Variants in TJP1 observed in about 807,000 individuals in gnomAD.
TJP1 encodes tight junction protein 1.
Under a neutral mutation model 194.2 loss-of-function variants are expected in TJP1, and 43 were observed. The ratio of observed to expected loss-of-function variants is 0.22; its 90% CI spans 0.17 to 0.29. The LOEUF (loss-of-function observed/expected upper bound fraction) is 0.29. TJP1 is among the 10% of genes least tolerant of loss of function. The pLI is 1.00. For synonymous variants in TJP1, 801 were observed against 779.0 expected, an observed-to-expected ratio of 1.03 and a Z score of -0.47; for missense variants, 1,971 against 2,185.7, an observed-to-expected ratio of 0.90 and a Z score of 1.96.
At chr15:29,927,895 T>C (rs1327315587) in intron 2 of TJP1, among the ~76,000 whole-genome samples, 1 of 152,138 alleles carries the variant, frequency 6.6e-6, no homozygotes, top group Non-Finnish European at 1.5e-5. Flanking sequence ...CAGGCCCTCA[T>C]AGGCACTGCA....
intron 1 of TJP1, among the ~76,000 whole-genome samples, chr15:29,814,377 G>A (rs183747631): frequency 5.3e-5 from 8 of 152,166 alleles, no homozygotes; most frequent in African/African-American, 1.9e-4. Context: ...TTCTAGGATC[G>A]GGATCCCAAA....
rs187511925 is a variant in TJP1, at chr15:29,704,127, C to G, written c.5212+35G>C. ...CCAGGTATTAATCAACGACAGTCCC[C>G]AAAGCTCCCAAAGGACAGAGTGAAG... On this transcript the variant is annotated intron_variant, in intron 27 of 27. Coordinates refer to ENST00000614355, the MANE Select transcript of TJP1 (RefSeq NM_001330239.4). The G allele has an allele frequency of 2.9e-5, 45 of 1,542,400 alleles. No individual in the cohort carries two copies. In the East Asian group the frequency reaches 1.1e-3, roughly 36 times the overall value.
rs1253686413 is a variant in TJP1 at position 29,718,373 on chromosome 15, G to C, written c.3769C>G (p.Pro1257Ala). 6.2e-7 allele frequency: 1 copy of C among 1,614,110 alleles called. No individual in the cohort carries two copies. Among genetic ancestry groups the C allele is most frequent in the Non-Finnish European group, 8.5e-7 (1 of 1,180,024 alleles). Residue 1257 changes from proline (P) to alanine (A), a missense_variant, in exon 21 of 28, where the codon CCA (proline) becomes GCA (alanine). Physicochemically the swap from Pro to Ala is conservative, Grantham distance 27. Around this residue, in one of 5 missense-constraint regions of TJP1, gnomAD observed 1,108 missense variants for 1,128.5 expected, o/e 0.98. Coordinates refer to ENST00000614355, the MANE Select transcript of TJP1 (RefSeq NM_001330239.4). ...PPTQTEEEED[P>A]AMKPQSVLTR... ...AGTACAGACTGTGGCTTCATTGCTG[G>C]ATCTTCCTCTTCTTCGGTTTGAGTT...
intron 18 of TJP1, among the ~76,000 whole-genome samples, chr15:29,725,647 C>A (rs2043196958): frequency 2.0e-5 from 3 of 151,744 alleles, no homozygotes; most frequent in African/African-American, 7.3e-5. Context: ...AATAAACAGA[C>A]CTTCCCATCA....
chr15:29,942,872 A>C (rs185293578), intron 2 of TJP1, among the ~76,000 whole-genome samples: 162 of 152,296 alleles, frequency 1.1e-3, no homozygotes, highest in African/African-American at 3.7e-3. Context: ...ACCAACTCCC[A>C]AGTCATTTTT....
chr15:29,813,332 T>G (rs2049664009), intron 1 of TJP1, among the ~76,000 whole-genome samples: 1 of 152,198 alleles, frequency 6.6e-6, no homozygotes, highest in Non-Finnish European at 1.5e-5. Flanking sequence ...CTCCAATGAC[T>G]GCCTCATAAT....
chr15:29,850,612 G>A (rs2051604519), intron 2 of TJP1, among the ~76,000 whole-genome samples: 1 of 152,054 alleles, frequency 6.6e-6, no homozygotes, highest in African/African-American at 2.4e-5. Flanking sequence ...TGGGATTACA[G>A]GCATGAGCCA....
At chr15:29,824,876 ATT>A (rs1429064036), upstream of TJP1, among the ~76,000 whole-genome samples, 5 of 152,228 alleles carry the variant, frequency 3.3e-5, no homozygotes, top group South Asian at 2.1e-4. Flanking sequence ...ATAGTTATAT[ATT>A]TAACAGTTTT....
intron 8 of TJP1, among the ~76,000 whole-genome samples, chr15:29,746,466 A>G (rs997005433): frequency 4.6e-5 from 7 of 152,186 alleles, no homozygotes; most frequent in Admixed American, 3.3e-4. Flanking sequence ...GATACCATAT[A>G]GCTATTTAAA....
intron 6 of TJP1, among the ~76,000 whole-genome samples, chr15:29,761,989 CCTT>C (rs1022998603): frequency 7.9e-5 from 12 of 152,116 alleles, no homozygotes; most frequent in Non-Finnish European, 1.8e-4. Flanking sequence ...TCCCCTAACT[CCTT>C]CTTTGAGGCT....
At chr15:29,786,660 C>A (rs45539941) in intron 2 of TJP1, among the ~76,000 whole-genome samples, 118 of 152,176 alleles carry the variant, frequency 7.8e-4, no homozygotes, top group Middle Eastern at 3.4e-3. Context: ...ACGACCATGC[C>A]TGGCTAAATT....
intron 2 of TJP1, among the ~76,000 whole-genome samples, chr15:29,876,311 G>C (rs2052696854): frequency 6.6e-6 from 1 of 152,116 alleles, no homozygotes; most frequent in African/African-American, 2.4e-5. Flanking sequence ...CCTGAGGTTA[G>C]GAGTTCGAAA....
At chr15:29,779,243 G>C (rs1416378291) in intron 2 of TJP1, among the ~76,000 whole-genome samples, 2 of 152,092 alleles carry the variant, frequency 1.3e-5, no homozygotes, top group African/African-American at 4.8e-5. Flanking sequence ...TGATGTCAGA[G>C]GGCCAAAACC....
intron 2 of TJP1, among the ~76,000 whole-genome samples, chr15:29,949,192 C>T (rs2055411996): frequency 6.7e-6 from 1 of 149,064 alleles, no homozygotes; most frequent in African/African-American, 2.5e-5. Flanking sequence ...TCACCTCCAC[C>T]ACCAGCACCT....
At position 29,766,262 on chromosome 15, in the gene TJP1, A is replaced by G. The variant is rs749631238; in HGVS notation, c.589+4T>C. 2.5e-6 allele frequency: 4 copies of G among 1,607,474 alleles called. No homozygotes were observed. Among genetic ancestry groups the G allele is most frequent in the South Asian group, 2.2e-5 (2 of 89,462 alleles). On this transcript the variant is annotated splice_donor_region_variant and intron_variant, in intron 5 of 27. Coordinates refer to ENST00000614355, the MANE Select transcript of TJP1 (RefSeq NM_001330239.4). Reference sequence around the variant, plus strand: ...AAAAAACAGCAAGAGTTGGCAGAGAATACCTTCATTTTTCCGGGATTTCAC... The same window carrying G: ...AAAAAACAGCAAGAGTTGGCAGAGAGTACCTTCATTTTTCCGGGATTTCAC...
At chr15:29,739,838 C>CAT (rs2044281677) in intron 10 of TJP1, among the ~76,000 whole-genome samples, 1 of 152,158 alleles carries the variant, frequency 6.6e-6, no homozygotes, top group Non-Finnish European at 1.5e-5. Flanking sequence ...AGGGGACTAT[C>CAT]TATGCCTGCA....
intron 1 of TJP1, among the ~76,000 whole-genome samples, chr15:29,818,570 T>C (rs1567092942): frequency 1.3e-5 from 2 of 151,882 alleles, no homozygotes; most frequent in African/African-American, 2.4e-5. Context: ...AGTGGTGCGA[T>C]CTTGGCTCAA....
chr15:29,877,005 G>A (rs560274595), intron 2 of TJP1, among the ~76,000 whole-genome samples: 1 of 152,314 alleles, frequency 6.6e-6, no homozygotes, highest in Non-Finnish European at 1.5e-5. Flanking sequence ...GGTTGACTCA[G>A]TTTCTCCTCA....
intron 2 of TJP1, among the ~76,000 whole-genome samples, chr15:29,898,770 T>C (rs1486476508): frequency 6.6e-6 from 1 of 152,182 alleles, no homozygotes; most frequent in Admixed American, 6.5e-5. Context: ...TATTCAAAAA[T>C]CTGAAAAATA....
Sources: gnomAD v4.1 joint callset for allele counts (sites outside exome capture counted in the v4.1 genomes callset) on GRCh38, gnomAD v4.1.1 for gene constraint, gnomAD v4.1.1 regional missense constraint, MANE v1.5 for transcripts, NCBI Gene and HGNC (gene_info 2026-07-23, HGNC 2026-07-21) for gene names.